The following AEBP2 variants were observed in gnomAD, a reference collection of about 807,000 sequenced individuals.
AEBP2 encodes the protein AE binding protein 2.
Under a neutral mutation model 50.8 loss-of-function variants are expected in AEBP2, and 10 were observed. That is an observed-to-expected ratio of 0.20 (90% CI 0.12 to 0.33). AEBP2 has a LOEUF of 0.33. AEBP2 is among the 10% of genes least tolerant of loss of function. AEBP2 has a pLI of 1.00. For missense variants in AEBP2, 570 were observed against 688.0 expected, an observed-to-expected ratio of 0.83 and a Z score of 1.92; for synonymous variants, 296 against 261.3, an observed-to-expected ratio of 1.13 and a Z score of -1.28.
chr12:19,506,885 C>T (rs1051308926), intron 5 of AEBP2, among the ~76,000 whole-genome samples: 3 of 152,160 alleles, frequency 2.0e-5, no homozygotes, highest in African/African-American at 7.2e-5. Context: ...GTAACAGCAA[C>T]TCCAAGGCTT....
At chr12:19,447,693 AT>A (rs1948097755) in intron 1 of AEBP2, among the ~76,000 whole-genome samples, 2 of 136,500 alleles carry the variant, frequency 1.5e-5, no homozygotes, top group Non-Finnish European at 3.3e-5. Flanking sequence ...TCATTTATAT[AT>A]CCCCATTTCT....
At chr12:19,462,307 C>T (rs4963535) in intron 1 of AEBP2, among the ~76,000 whole-genome samples, 3,237 of 152,264 alleles carry the variant, frequency 0.021, 42 homozygotes, top group East Asian at 0.043. Context: ...TTTTGAGGTA[C>T]TGTCGTGTTT....
intron 1 of AEBP2, among the ~76,000 whole-genome samples, chr12:19,434,004 G>A (rs1420247422): frequency 6.6e-6 from 1 of 151,630 alleles, no homozygotes; most frequent in Non-Finnish European, 1.5e-5. Context: ...ACGCCACCAT[G>A]CCCGACTAAT....
intron 1 of AEBP2, among the ~76,000 whole-genome samples, chr12:19,443,307 C>T (rs1479185068): frequency 6.6e-6 from 1 of 150,700 alleles, no homozygotes; most frequent in Admixed American, 6.6e-5. Context: ...GTTGTCCAGG[C>T]TGGTCTTGAA....
At chr12:19,486,043 T>G (rs576550448) in intron 3 of AEBP2, among the ~76,000 whole-genome samples, 2 of 152,052 alleles carry the variant, frequency 1.3e-5, no homozygotes, top group East Asian at 3.9e-4. Flanking sequence ...ATGATTTGTT[T>G]CTTATGTTCG....
chr12:19,491,642 AG>A (rs1948896001), intron 3 of AEBP2, among the ~76,000 whole-genome samples: 2 of 152,146 alleles, frequency 1.3e-5, no homozygotes, highest in African/African-American at 2.4e-5. Context: ...GAGGGCCATA[AG>A]GAGCCCCCAA....
intron 1 of AEBP2, among the ~76,000 whole-genome samples, chr12:19,405,042 C>A (rs1406838568): frequency 7.0e-6 from 1 of 142,902 alleles, no homozygotes; most frequent in Non-Finnish European, 1.5e-5. Flanking sequence ...TCAAGTGATT[C>A]TCCTGCCTCA....
intron 1 of AEBP2, chr12:19,413,008 TG>T: frequency 2.5e-6 from 1 of 396,516 alleles, no homozygotes; most frequent in South Asian, 2.4e-5. Context: ...GCCCCGGCGT[TG>T]GGGTGTGGGG....
intron 6 of AEBP2, among the ~76,000 whole-genome samples, chr12:19,512,701 C>T (rs1301233966): frequency 1.3e-5 from 2 of 151,754 alleles, no homozygotes; most frequent in African/African-American, 4.8e-5. Context: ...GTGGCTCACA[C>T]CTGTAATCCC....
chr12:19,505,831 G>T (rs1949149249), intron 5 of AEBP2, among the ~76,000 whole-genome samples: 1 of 151,956 alleles, frequency 6.6e-6, no homozygotes, highest in African/African-American at 2.4e-5. Flanking sequence ...GGTGAAATGT[G>T]GTGGTATCAT....
Position 19,439,670 on chromosome 12 carries a change from GGA to G in AEBP2, c.-28_-27del, listed in dbSNP as rs1947905248. On this transcript the variant is annotated 5_prime_UTR_variant, in exon 1 of 8. Transcript: ENST00000266508. ...CGAGAGAGGGAGGCGGCGGTGGGGA[GGA>G]GGAGGAGGAGGAGGAGCAGGCGCCG... is the stretch of plus-strand genomic sequence containing the variant. 6.7e-6 allele frequency: 8 copies of G among 1,191,106 alleles called. No individual in the cohort carries two copies. The highest frequency in any genetic ancestry group is 2.8e-5 in the Admixed American group (1 of 36,246). 73.8% of individuals were successfully genotyped at this position (1,191,106 alleles called of 1,614,324 possible).
At chr12:19,454,383 C>T (rs367661713) in intron 1 of AEBP2, among the ~76,000 whole-genome samples, 1 of 152,052 alleles carries the variant, frequency 6.6e-6, no homozygotes, top group South Asian at 2.1e-4. Flanking sequence ...TTGGCTAGAC[C>T]CTTAAGTGAA....
chr12:19,411,856 G>A (rs1260889133), intron 1 of AEBP2, among the ~76,000 whole-genome samples: 1 of 152,184 alleles, frequency 6.6e-6, no homozygotes, highest in Admixed American at 6.6e-5. Flanking sequence ...AAATTATTGC[G>A]CACATTTTAG....
chr12:19,470,932 G>A (rs1295571432), intron 2 of AEBP2, among the ~76,000 whole-genome samples: 2 of 152,140 alleles, frequency 1.3e-5, no homozygotes, highest in Non-Finnish European at 2.9e-5. Context: ...CTTTCTTTAA[G>A]GCATTTCTGT....
At position 19,500,164 on chromosome 12, in the gene AEBP2, C is replaced by T; in HGVS notation, c.1242C>T (p.Asn414=). ...TAAGACATCGAGCCATATGCTTTAA[C>T]CTCTCAGCTCATATAGAAAGTTTAG... ...DAIRHRAICF[N]LSAHIESLGK... is the part of the protein sequence containing the mutation. The change falls in exon 5 of 8, where the codon AAC becomes AAT. Residue 414 remains asparagine (N), a synonymous_variant. Coordinates refer to ENST00000266508, the MANE Select transcript of AEBP2 (RefSeq NM_153207.5). The T allele has an allele frequency of 6.3e-7, 1 of 1,599,858 alleles. No individual in the cohort carries two copies. The highest frequency in any genetic ancestry group is 8.5e-7 in the Non-Finnish European group (1 of 1,172,932).
At chr12:19,470,127 G>A (rs1292463429) in intron 2 of AEBP2, among the ~76,000 whole-genome samples, 3 of 151,710 alleles carry the variant, frequency 2.0e-5, no homozygotes, top group African/African-American at 4.8e-5. Context: ...ATATAGCCTC[G>A]AACAGTTTTG....
intron 1 of AEBP2, chr12:19,413,228 T>C (rs878961479): frequency 1.2e-5 from 10 of 834,120 alleles, no homozygotes; most frequent in Admixed American, 3.4e-5. Flanking sequence ...AACCCAAGTT[T>C]TGGATCAGTC....
intron 2 of AEBP2, among the ~76,000 whole-genome samples, chr12:19,464,345 T>C (rs1339219861): frequency 6.6e-6 from 1 of 152,176 alleles, no homozygotes; most frequent in African/African-American, 2.4e-5. Flanking sequence ...TTGAGCATCA[T>C]GGCATGATGC....
At chr12:19,510,099 T>C (rs1023298481) in intron 5 of AEBP2, among the ~76,000 whole-genome samples, 1 of 152,098 alleles carries the variant, frequency 6.6e-6, no homozygotes, top group African/African-American at 2.4e-5. Flanking sequence ...TTGTTTTTAT[T>C]AGTGTGTGTG....
Sources: gnomAD v4.1 joint callset for allele counts (sites outside exome capture counted in the v4.1 genomes callset) on GRCh38, gnomAD v4.1.1 for gene constraint, MANE v1.5 for transcripts, NCBI Gene and HGNC (gene_info 2026-07-23, HGNC 2026-07-21) for gene names.